The following PCLO variants were observed in gnomAD, a reference collection of about 807,000 sequenced individuals.
PCLO encodes the protein protein piccolo.
PCLO carries 82 observed loss-of-function variants against 427.5 expected under a neutral mutation model. That is an observed-to-expected ratio of 0.19 (90% CI 0.16 to 0.23). The LOEUF (loss-of-function observed/expected upper bound fraction) is 0.23, where lower values mean the gene tolerates loss of function less well. PCLO is among the 10% of genes least tolerant of loss of function. The pLI, the probability that PCLO is intolerant of heterozygous loss-of-function variation, is 1.00. For synonymous variants in PCLO, 2,357 were observed against 2,155.4 expected, an observed-to-expected ratio of 1.09 and a Z score of -2.59; for missense variants, 6,239 against 6,115.9, an observed-to-expected ratio of 1.02 and a Z score of -0.67.
chr7:82,998,793 CAAAACA>C (rs771206947), intron 3 of PCLO, among the ~76,000 whole-genome samples: 11 of 151,378 alleles, frequency 7.3e-5, no homozygotes, highest in African/African-American at 2.4e-4. Flanking sequence ...TACTCAAAGA[CAAAACA>C]AAAACAAAAA....
rs1217159277 is a variant in PCLO, at chr7:82,832,031, G to A, written c.14249+3636C>T. On this transcript the variant is annotated intron_variant, in intron 16 of 24. Coordinates refer to ENST00000333891, the MANE Select transcript of PCLO (RefSeq NM_033026.6). ...AAAGTCAGGCTGAGAAATAAGTGGA[G>A]TTCATCCTCCCTTTCCTTTCTTGTC... Among the ~76,000 whole-genome samples the A allele has an allele frequency of 2.6e-5, 4 of 152,254 alleles. No homozygotes were observed. The South Asian group carries it at 8.3e-4, about 32-fold the overall frequency.
intron 3 of PCLO, among the ~76,000 whole-genome samples, chr7:82,999,351 T>G (rs1787721055): frequency 7.4e-6 from 1 of 134,952 alleles, no homozygotes; most frequent in Admixed American, 7.9e-5. Flanking sequence ...ATATTTAATA[T>G]ATATACTTTT....
At chr7:82,933,926 C>A (rs1485568086) in intron 6 of PCLO, among the ~76,000 whole-genome samples, 1 of 151,838 alleles carries the variant, frequency 6.6e-6, no homozygotes, top group Non-Finnish European at 1.5e-5. Context: ...GATAGAATGT[C>A]ATATGATGAG....
intron 13 of PCLO, 23 bp from the exon 14 acceptor site, chr7:82,841,532 T>C (rs757665406): frequency 1.5e-6 from 2 of 1,358,342 alleles, no homozygotes; most frequent in Non-Finnish European, 2.1e-6. Context: ...AGAACATATA[T>C]TACATTAATA....
At chr7:82,857,268 A>C (rs1413571308) in intron 10 of PCLO, among the ~76,000 whole-genome samples, 1 of 152,166 alleles carries the variant, frequency 6.6e-6, no homozygotes, top group Non-Finnish European at 1.5e-5. Context: ...CAATTAATTG[A>C]ATGGACTTAG....
intron 22 of PCLO, among the ~76,000 whole-genome samples, chr7:82,796,529 C>T (rs1037443763): frequency 6.6e-6 from 1 of 152,008 alleles, no homozygotes; most frequent in Non-Finnish European, 1.5e-5. Flanking sequence ...AAAGCAGTCA[C>T]TACTTGTAAC....
At chr7:82,820,919 T>C in intron 20 of PCLO, 1 of 1,230,002 alleles carries the variant, frequency 8.1e-7, no homozygotes, top group Middle Eastern at 3.1e-4. Flanking sequence ...TACAAATCAC[T>C]GTAGTCAATA....
intron 16 of PCLO, among the ~76,000 whole-genome samples, chr7:82,830,106 AG>A (rs1346276217): frequency 6.6e-6 from 1 of 151,906 alleles, no homozygotes; most frequent in African/African-American, 2.4e-5. Flanking sequence ...CAATTTAGTG[AG>A]TTTTTTAATG....
At chr7:82,935,384 T>TA (rs1351327236) in intron 6 of PCLO, among the ~76,000 whole-genome samples, 1 of 151,320 alleles carries the variant, frequency 6.6e-6, no homozygotes, top group Non-Finnish European at 1.5e-5. Context: ...TAAAATGAGC[T>TA]AAGTTCTTTC....
chr7:82,782,404 A>T (rs913943545), intron 22 of PCLO, among the ~76,000 whole-genome samples: 3 of 152,244 alleles, frequency 2.0e-5, no homozygotes, highest in African/African-American at 7.2e-5. Context: ...CAGTTACAGC[A>T]TGCAAACTAC....
At chr7:83,038,013 A>ATATATATATATATATT (rs1788846606) in intron 3 of PCLO, among the ~76,000 whole-genome samples, 2 of 47,268 alleles carry the variant, frequency 4.2e-5, no homozygotes, top group African/African-American at 2.9e-4. Flanking sequence ...ATATATATAT[A>ATATATATATATATATT]TATATATATA....
intron 18 of PCLO, among the ~76,000 whole-genome samples, chr7:82,825,963 A>G (rs1381515636): frequency 2.0e-5 from 3 of 149,510 alleles, no homozygotes; most frequent in Non-Finnish European, 3.0e-5. Flanking sequence ...TATATATAAT[A>G]GATTAAAAAT....
At chr7:83,002,028 T>C (rs1424125351) in intron 3 of PCLO, among the ~76,000 whole-genome samples, 1 of 152,046 alleles carries the variant, frequency 6.6e-6, no homozygotes, top group Non-Finnish European at 1.5e-5. Context: ...AGTCTAGCTA[T>C]AGATTTCTTT....
intron 3 of PCLO, among the ~76,000 whole-genome samples, chr7:83,090,123 T>TTA (rs1392311914): frequency 1.3e-5 from 2 of 151,950 alleles, no homozygotes; most frequent in Non-Finnish European, 1.5e-5. Context: ...GCCAACATGG[T>TTA]AAACCCTGTC....
At position 82,839,058 on chromosome 7, in the gene PCLO, A is replaced by T. The variant is rs2715157; in HGVS notation, c.14098-716T>A. 7.5e-4 allele frequency among the ~76,000 whole-genome samples: 114 copies of T among 151,882 alleles called. 1 individual carries two copies. Among genetic ancestry groups the T allele is most frequent in the Middle Eastern group, 6.8e-3 (2 of 292 alleles). On this transcript the variant is annotated intron_variant, in intron 14 of 24. Transcript: ENST00000333891. Reference sequence around the variant, plus strand: ...TCAAACAAATATTTGAGAAAACTGCATAATTCAAAATAATTGAGTTAAGCA... The same window carrying T: ...TCAAACAAATATTTGAGAAAACTGCTTAATTCAAAATAATTGAGTTAAGCA...
At chr7:82,905,760 G>A (rs959356420) in intron 8 of PCLO, among the ~76,000 whole-genome samples, 1 of 151,728 alleles carries the variant, frequency 6.6e-6, no homozygotes. Flanking sequence ...GCTCTTTCAT[G>A]GGAGCTTAAT....
At chr7:83,022,643 C>T (rs576088220) in intron 3 of PCLO, among the ~76,000 whole-genome samples, 1 of 152,266 alleles carries the variant, frequency 6.6e-6, no homozygotes, top group Admixed American at 6.5e-5. Flanking sequence ...TTACAATATT[C>T]CATATTTTCT....
Position 82,953,812 on chromosome 7 carries a change from G to T in PCLO, c.7141C>A (p.Pro2381Thr). The change falls in exon 5 of 25, where the codon CCT becomes ACT. Residue 2381 changes from proline to threonine, a missense_variant. Pro to Thr is a conservative substitution (Grantham distance 38). Around this residue, in one of 5 missense-constraint regions of PCLO, gnomAD observed 4,677 missense variants for 4,468.4 expected, o/e 1.05. Coordinates refer to ENST00000333891, the MANE Select transcript of PCLO (RefSeq NM_033026.6). ...TTAGCTGGAAGAGAGGAAACAGAAG[G>T]ACTGCCAGATGGTAACTGAGATGCA... is the stretch of plus-strand genomic sequence containing the variant. ...KPASQLPSGSPSVSSLPAKPR... is the reference protein window; with the variant it reads ...KPASQLPSGSTSVSSLPAKPR... 6.2e-7 allele frequency: 1 copy of T among 1,607,742 alleles called. No homozygotes were observed. The highest frequency in any genetic ancestry group is 8.5e-7 in the Non-Finnish European group (1 of 1,176,498).
At chr7:83,095,059 T>G (rs1177510045) in intron 3 of PCLO, among the ~76,000 whole-genome samples, 1 of 152,158 alleles carries the variant, frequency 6.6e-6, no homozygotes, top group African/African-American at 2.4e-5. Flanking sequence ...CTTCAAATGT[T>G]TAGTAGAAAT....
Sources: allele counts gnomAD v4.1 joint callset (sites outside exome capture counted in the v4.1 genomes callset), GRCh38; gene constraint gnomAD v4.1.1; regional missense constraint gnomAD v4.1.1; transcripts MANE v1.5; gene names NCBI Gene and HGNC (gene_info 2026-07-23, HGNC 2026-07-21).